The following GSTA4 variants were observed in gnomAD, a reference collection of about 807,000 sequenced individuals.
GSTA4 encodes glutathione S-transferase A4.
GSTA4 carries 15 observed loss-of-function variants against 24.4 expected under a neutral mutation model. That is an observed-to-expected ratio of 0.61 (90% CI 0.41 to 0.95). The LOEUF (loss-of-function observed/expected upper bound fraction) is 0.95. GSTA4 is among the 40% of genes least tolerant of loss of function. The probability of loss-of-function intolerance (pLI) is 0.00; values close to 1 mark genes in which losing one functional copy is unlikely to be tolerated. For missense variants in GSTA4, 244 were observed against 262.1 expected, an observed-to-expected ratio of 0.93 and a Z score of 0.48; for synonymous variants, 92 against 94.2, an observed-to-expected ratio of 0.98 and a Z score of 0.13.
intron 6 of GSTA4, among the ~76,000 whole-genome samples, chr6:52,979,894 ATGATGTAT>A (rs1311126572): frequency 6.6e-6 from 1 of 152,224 alleles, no homozygotes; most frequent in Non-Finnish European, 1.5e-5. Context: ...CTTGTTCCAA[ATGATGTAT>A]TGTTTCAAGA....
chr6:52,986,488 A>T (rs1393814297), intron 3 of GSTA4, among the ~76,000 whole-genome samples: 1 of 152,328 alleles, frequency 6.6e-6, no homozygotes, highest in East Asian at 1.9e-4. Context: ...CACAGAACAG[A>T]CCGTTTACTA....
chr6:52,988,731 T>A (rs1472132322), intron 2 of GSTA4, among the ~76,000 whole-genome samples: 3 of 152,202 alleles, frequency 2.0e-5, no homozygotes, highest in Non-Finnish European at 2.9e-5. Flanking sequence ...AACAGACGTG[T>A]AACCATTATA....
At chr6:52,990,761 G>A (rs1004052005) in intron 2 of GSTA4, among the ~76,000 whole-genome samples, 3 of 152,162 alleles carry the variant, frequency 2.0e-5, no homozygotes, top group African/African-American at 7.2e-5. Context: ...AGAAGCCTAT[G>A]GGGGTTAGAA....
chr6:52,985,975 C>A (rs1231558040), intron 3 of GSTA4, among the ~76,000 whole-genome samples: 2 of 151,952 alleles, frequency 1.3e-5, no homozygotes, highest in African/African-American at 2.4e-5. Flanking sequence ...TGCTTGAACC[C>A]GGGAGGCGGA....
chr6:52,979,090 T>C (rs905569135), intron 6 of GSTA4, among the ~76,000 whole-genome samples: 2 of 152,038 alleles, frequency 1.3e-5, no homozygotes, highest in African/African-American at 4.8e-5. Context: ...TTATGACACT[T>C]AAGGTGAAAA....
chr6:52,978,389 A>C lies in GSTA4; in HGVS notation c.*81T>G. The C allele has an allele frequency of 1.2e-4, 161 of 1,373,220 alleles. No homozygotes were observed. Among genetic ancestry groups the C allele is most frequent in the Non-Finnish European group, 1.5e-4 (148 of 984,698 alleles). The allele number at this position is 1,373,220 out of a possible 1,614,324, so 85.1% of individuals were successfully genotyped here. A position where few individuals can be genotyped will look rare whatever the true frequency, so the allele number is the denominator to read the frequency against. ...CTTAATACATAGATAGCACCATGAC[A>C]GAGCTGGGATCCATTAAGACATGAC... On this transcript the variant is annotated 3_prime_UTR_variant, in exon 7 of 7. Coordinates refer to ENST00000370963, the MANE Select transcript of GSTA4 (RefSeq NM_001512.4).
intron 6 of GSTA4, 152 bp downstream of exon 6, chr6:52,982,422 G>A: frequency 1.9e-6 from 1 of 540,242 alleles, no homozygotes; most frequent in Non-Finnish European, 3.2e-6. Context: ...AAATAACTTT[G>A]GGTCCTTACT....
At chr6:52,989,064 A>G (rs920373280) in intron 2 of GSTA4, among the ~76,000 whole-genome samples, 1 of 152,192 alleles carries the variant, frequency 6.6e-6, no homozygotes, top group African/African-American at 2.4e-5. Context: ...AGCCAGCTAA[A>G]TCCCACCAAA....
chr6:52,985,358 A>C, intron 4 of GSTA4, 93 bp downstream of exon 4: 2 of 1,220,256 alleles, frequency 1.6e-6, no homozygotes, highest in East Asian at 4.7e-5. Flanking sequence ...ACTATGTAAG[A>C]CATAAAGTAA....
chr6:52,979,242 C>G (rs9370170), intron 6 of GSTA4, among the ~76,000 whole-genome samples: 25,952 of 152,114 alleles, frequency 0.17, 2,715 homozygotes, highest in Admixed American at 0.27. Context: ...CTGTAAACAC[C>G]ACTCGGACTA....
chr6:52,992,726 A>G (rs988175091), intron 2 of GSTA4, among the ~76,000 whole-genome samples: 5 of 152,224 alleles, frequency 3.3e-5, no homozygotes, highest in Admixed American at 2.0e-4. Flanking sequence ...GAAGGAAACG[A>G]CTGGGAAATT....
rs1326100763 is a variant in GSTA4 at position 52,978,541 on chromosome 6, G to T, written c.598C>A (p.Pro200Thr). ...GGGGGAGGCTTCTTCTTGCTGCCAG[G>T]TTCAAGGAATCTCTTAATTGTAGGG... ...NIPTIKRFLE[P>T]GSKKKPPPDE... Residue 200 changes from proline to threonine, a missense_variant, in exon 7 of 7, where the codon CCT becomes ACT. Transcript: ENST00000370963. 1.2e-6 allele frequency: 2 copies of T among 1,611,342 alleles called. No individual in the cohort carries two copies. Among genetic ancestry groups the T allele is most frequent in the African/African-American group, 2.7e-5 (2 of 74,820 alleles).
intron 5 of GSTA4, among the ~76,000 whole-genome samples, chr6:52,983,612 G>T (rs979623834): frequency 3.3e-5 from 5 of 152,170 alleles, no homozygotes; most frequent in African/African-American, 1.2e-4. Context: ...GTGTAAAAGG[G>T]ACAACGGTTC....
intron 2 of GSTA4, among the ~76,000 whole-genome samples, chr6:52,988,374 T>G (rs1035634717): frequency 6.6e-6 from 1 of 152,098 alleles, no homozygotes; most frequent in African/African-American, 2.4e-5. Flanking sequence ...AAGTGTCGAT[T>G]TATAATGGAG....
chr6:52,994,053 T>C (rs1183498769), intron 2 of GSTA4, 104 bp downstream of exon 2: 4 of 807,260 alleles, frequency 5.0e-6, no homozygotes, highest in Non-Finnish European at 8.8e-6. Flanking sequence ...CCTGTGATTT[T>C]GGTGGACGAG....
chr6:52,980,591 A>C (rs541110386), intron 6 of GSTA4, among the ~76,000 whole-genome samples: 275 of 152,310 alleles, frequency 1.8e-3, no homozygotes, highest in African/African-American at 6.4e-3. Context: ...GGTGTGAGCC[A>C]CTGCGCCCGG....
chr6:52,990,443 T>C (rs1038982348), intron 2 of GSTA4, among the ~76,000 whole-genome samples: 5 of 152,156 alleles, frequency 3.3e-5, no homozygotes, highest in Non-Finnish European at 5.9e-5. Flanking sequence ...TTGTAAACCA[T>C]GTGGTCACCC....
rs1319979380 is a variant in GSTA4, at chr6:52,984,522, T to G, written c.356A>C (p.Lys119Thr). The G allele has an allele frequency of 1.2e-6, 2 of 1,613,800 alleles. No individual in the cohort carries two copies. The highest frequency in any genetic ancestry group is 3.3e-5 in the Admixed American group (2 of 60,020). Residue 119 changes from lysine (K) to threonine (T), a missense_variant, in exon 5 of 7, where the codon AAG becomes ACG. Lys to Thr is a moderately conservative substitution (Grantham distance 78). Transcript: ENST00000370963. Reference sequence around the variant, plus strand: ...CTTCTGGGCCATGTTAACCACTTCCTTTTGCTGATCATCTGGTTTTAAGAA... The same window carrying G: ...CTTCTGGGCCATGTTAACCACTTCCGTTTGCTGATCATCTGGTTTTAAGAA... ...HPFLKPDDQQ[K>T]EVVNMAQKAI...
At chr6:52,990,059 C>T (rs1389857487) in intron 2 of GSTA4, among the ~76,000 whole-genome samples, 1 of 152,002 alleles carries the variant, frequency 6.6e-6, no homozygotes, top group African/African-American at 2.4e-5. Context: ...ACTGATGCTC[C>T]CAGTTAATGG....
Sources: allele counts gnomAD v4.1 joint callset (sites outside exome capture counted in the v4.1 genomes callset), GRCh38; gene constraint gnomAD v4.1.1; transcripts MANE v1.5; gene names NCBI Gene and HGNC (gene_info 2026-07-23, HGNC 2026-07-21).